WDR64: variants seen among roughly 807,000 people sequenced by gnomAD.
WDR64 encodes the protein WD repeat domain 64.
Under a neutral mutation model 139.3 loss-of-function variants are expected in WDR64, and 112 were observed. The observed-to-expected ratio is 0.80, with a 90% CI of 0.69 to 0.94. The LOEUF (loss-of-function observed/expected upper bound fraction) is 0.94, where lower values mean the gene tolerates loss of function less well. WDR64 is among the 40% of genes least tolerant of loss of function. The pLI, the probability that WDR64 is intolerant of heterozygous loss-of-function variation, is 0.00. For missense variants in WDR64, 1,206 were observed against 1,293.1 expected (o/e 0.93, Z 1.03); for synonymous variants, 444 against 437.7 (o/e 1.01, Z -0.18).
At chr1:241,655,564 A>G (rs758566343) in intron 1 of WDR64, among the ~76,000 whole-genome samples, 15 of 152,190 alleles carry the variant, frequency 9.9e-5, no homozygotes, top group Non-Finnish European at 1.9e-4. Context: ...GCCTCAGCCC[A>G]GCTTTTCAGT....
Position 241,787,895 on chromosome 1 carries a change from C to T in WDR64, c.2752C>T (p.Arg918Ter), listed in dbSNP as rs774228647. The T allele has an allele frequency of 4.3e-6, 7 of 1,611,404 alleles. No homozygotes were observed. Among genetic ancestry groups the T allele is most frequent in the South Asian group, 2.2e-5 (2 of 90,490 alleles). ...NGHYCGYFGQ[R>*]RLFELSQTRD... The stretch of plus-strand genomic sequence containing the variant: ...ACATTATTGTGGATATTTTGGACAG[C>T]GAAGGCTCTTTGAATTATCACAGAC... The change falls in exon 24 of 28, where the codon CGA becomes TGA. Residue 918 changes from arginine (R) to a stop codon, truncating the protein, a stop_gained. Transcript: ENST00000437684. LOFTEE classifies it high-confidence loss of function.
rs766802128 is a variant in WDR64, at chr1:241,784,953, G to GGAT, written c.2705+1572_2705+1573insGAT. ...TGGGCGACAGAGTGAGACTCTGTCT[G>GGAT]AAAAAAAAAAAAAAAAAAAAAAAGA... On this transcript the variant is annotated intron_variant, in intron 23 of 27. Coordinates refer to ENST00000437684, the MANE Select transcript of WDR64 (RefSeq NM_001367482.1). 1.6e-3 allele frequency among the ~76,000 whole-genome samples: 102 copies of GGAT among 62,236 alleles called. 1 individual carries two copies. The highest frequency in any genetic ancestry group is 2.9e-3 in the Non-Finnish European group (93 of 32,502). 40.8% of individuals were successfully genotyped at this position (62,236 alleles called of 152,430 possible).
At chr1:241,726,025 AT>A (rs928143667) in intron 10 of WDR64, among the ~76,000 whole-genome samples, 1 of 144,910 alleles carries the variant, frequency 6.9e-6, no homozygotes, top group Non-Finnish European at 1.5e-5. Flanking sequence ...AATTATTTTT[AT>A]TTTTTGTAGA....
intron 2 of WDR64, among the ~76,000 whole-genome samples, chr1:241,663,610 G>T (rs927930658): frequency 6.6e-6 from 1 of 152,246 alleles, no homozygotes; most frequent in Admixed American, 6.5e-5. Context: ...CCTGGTAGAC[G>T]ATGGCCCATT....
chr1:241,740,664 TA>T (rs35725536), intron 11 of WDR64, among the ~76,000 whole-genome samples: 7 of 151,644 alleles, frequency 4.6e-5, no homozygotes, highest in Non-Finnish European at 1.0e-4. Context: ...TTTTTTTTTT[TA>T]ATCTTAATTT....
At chr1:241,752,375 A>G (rs1303560064) in intron 14 of WDR64, among the ~76,000 whole-genome samples, 1 of 152,118 alleles carries the variant, frequency 6.6e-6, no homozygotes, top group Non-Finnish European at 1.5e-5. Context: ...CTTTTCATAA[A>G]ATAATGGTAG....
At position 241,659,059 on chromosome 1, in the gene WDR64, C is replaced by G. The variant is rs189625716; in HGVS notation, c.146-1471C>G. ...TTCTTCCTCATGCTCTCCCTCCACA[C>G]CCCCACAACCCTATGACAGGCCCCA... On this transcript the variant is annotated intron_variant, in intron 1 of 27. Coordinates refer to ENST00000437684, the MANE Select transcript of WDR64 (RefSeq NM_001367482.1). 1.1e-4 allele frequency among the ~76,000 whole-genome samples: 17 copies of G among 152,288 alleles called. No individual in the cohort carries two copies. In the East Asian group the frequency reaches 3.3e-3, roughly 29 times the overall value.
In WDR64 at chr1:241,757,456, T is replaced by C. The variant is rs752858970; in HGVS notation, c.1944T>C (p.Thr648=). ...LIVERNFSQP[T]DNPTMDLLRV... is the part of the protein sequence containing the mutation. ...TTGAGAGGAACTTTTCTCAACCTAC[T>C]GATGTAAGTTTCCTCTCTTGGTTTC... The change falls in exon 15 of 28, where the codon ACT becomes ACC. Residue 648 remains threonine (T), a synonymous_variant. Transcript: ENST00000437684. The C allele has an allele frequency of 6.2e-7, 1 of 1,602,988 alleles. No individual in the cohort carries two copies. The highest frequency in any genetic ancestry group is 1.7e-5 in the Admixed American group (1 of 57,864).
At chr1:241,782,861 T>C (rs1658900863) in intron 22 of WDR64, among the ~76,000 whole-genome samples, 1 of 152,350 alleles carries the variant, frequency 6.6e-6, no homozygotes, top group South Asian at 2.1e-4. Context: ...AAAAGTCTTT[T>C]TGCCAATCTC....
chr1:241,773,162 C>A (rs749810473), intron 20 of WDR64, among the ~76,000 whole-genome samples: 1 of 152,118 alleles, frequency 6.6e-6, no homozygotes, highest in African/African-American at 2.4e-5. Context: ...TTAGCTATTT[C>A]AAATATGTCT....
At chr1:241,781,502 T>C (rs11588650) in intron 22 of WDR64, among the ~76,000 whole-genome samples, 26,281 of 152,184 alleles carry the variant, frequency 0.17, 2,638 homozygotes, top group African/African-American at 0.26. Context: ...CTGCAATGAA[T>C]ACCTAATAGG....
At chr1:241,688,276 G>A (rs1307442160) in intron 8 of WDR64, among the ~76,000 whole-genome samples, 2 of 152,158 alleles carry the variant, frequency 1.3e-5, no homozygotes, top group Non-Finnish European at 2.9e-5. Context: ...TAGGACTGGT[G>A]GTAGAAGCAG....
rs199635140 is a variant in WDR64, at chr1:241,656,870, TTGTGTGTGTGTG to T, written c.146-3630_146-3619del. 1.2e-5 allele frequency among the ~76,000 whole-genome samples: 1 copy of T among 86,640 alleles called. No homozygotes were observed. Among genetic ancestry groups the T allele is most frequent in the Non-Finnish European group, 2.4e-5 (1 of 41,276 alleles). The allele number at this position is 86,640 out of a possible 152,430, so 56.8% of individuals were successfully genotyped here. The stretch of plus-strand genomic sequence containing the variant: ...AAATGTCTCAAGTCTTTGCCAAATG[TTGTGTGTGTGTG>T]TGTGTGTGTGTGTGTGTGTGTGTGT... On this transcript the variant is annotated intron_variant, in intron 1 of 27. Transcript: ENST00000437684. This position sits in a 1 kb window ranked among gnomAD's most constrained non-coding sequence, Gnocchi z 4.3.
intron 13 of WDR64, among the ~76,000 whole-genome samples, chr1:241,745,757 G>A (rs1177770823): frequency 6.6e-6 from 1 of 152,020 alleles, no homozygotes; most frequent in Non-Finnish European, 1.5e-5. Context: ...AGCCCTCTCT[G>A]TTAAATTGAC....
intron 19 of WDR64, among the ~76,000 whole-genome samples, chr1:241,772,325 T>C (rs1332115572): frequency 2.1e-5 from 2 of 93,040 alleles, no homozygotes; most frequent in Admixed American, 1.0e-4. Flanking sequence ...TGAAATTCTC[T>C]GGGTGAAAAA....
rs1666897495 is a variant in WDR64, at chr1:241,683,555, C to A, written c.693C>A (p.Asp231Glu). 1.3e-6 allele frequency: 2 copies of A among 1,551,698 alleles called. No homozygotes were observed. Among genetic ancestry groups the A allele is most frequent in the Non-Finnish European group, 1.7e-6 (2 of 1,147,006 alleles). ...GTGTGTGTGTGGTGCCTTTGCCTGA[C>A]CATCTCTGCCGAGATGACATCCTCT... The part of the protein sequence containing the change: ...LLCVCVVPLP[D>E]HLCRDDILLG... Residue 231 changes from aspartate to glutamate, a missense_variant, in exon 7 of 28, where the codon GAC becomes GAA. Transcript: ENST00000437684.
intron 14 of WDR64, among the ~76,000 whole-genome samples, chr1:241,750,821 T>TG (rs1669950856): frequency 1.3e-5 from 2 of 152,186 alleles, no homozygotes; most frequent in Non-Finnish European, 2.9e-5. Context: ...CCAGAGTAGG[T>TG]GCTCATTAAG....
intron 23 of WDR64, among the ~76,000 whole-genome samples, chr1:241,786,509 A>C (rs1203223369): frequency 2.0e-5 from 3 of 152,204 alleles, no homozygotes; most frequent in African/African-American, 7.2e-5. Context: ...CTTGGAGTGA[A>C]GTGATAGTGA....
At chr1:241,742,546 T>C (rs1669588444) in intron 12 of WDR64, among the ~76,000 whole-genome samples, 1 of 152,194 alleles carries the variant, frequency 6.6e-6, no homozygotes, top group Non-Finnish European at 1.5e-5. Flanking sequence ...ACAAATGTCA[T>C]GGCAACGTCG....
Sources: gnomAD v4.1 joint callset for allele counts (sites outside exome capture counted in the v4.1 genomes callset) on GRCh38, gnomAD v4.1.1 for gene constraint, Gnocchi (gnomAD v3.1) non-coding constraint, MANE v1.5 for transcripts, NCBI Gene and HGNC (gene_info 2026-07-23, HGNC 2026-07-21) for gene names.